Variants in RARB observed in about 807,000 individuals in gnomAD.
The protein encoded by RARB is retinoic acid receptor beta.
Under a neutral mutation model 51.9 loss-of-function variants are expected in RARB, and 17 were observed. That is an observed-to-expected ratio of 0.33 (90% CI 0.22 to 0.49). The LOEUF (loss-of-function observed/expected upper bound fraction) is 0.49, where lower values mean the gene tolerates loss of function less well. Ranked by LOEUF, RARB falls within the 20% of genes least tolerant of loss-of-function variation. The pLI, the probability that RARB is intolerant of heterozygous loss-of-function variation, is 0.99. For synonymous variants in RARB, 215 were observed against 195.4 expected (o/e 1.10, Z -0.84); for missense variants, 369 against 550.8 (o/e 0.67, Z 3.30).
At chr3:25,312,659 A>G (rs913006026) in intron 5 of RARB, among the ~76,000 whole-genome samples, 3 of 152,188 alleles carry the variant, frequency 2.0e-5, no homozygotes, top group South Asian at 2.1e-4. Context: ...TATGGCCCAA[A>G]CAATAGTTAC....
intron 5 of RARB, among the ~76,000 whole-genome samples, chr3:25,587,583 A>T (rs1224530183): frequency 6.6e-6 from 1 of 152,222 alleles, no homozygotes; most frequent in Non-Finnish European, 1.5e-5. Flanking sequence ...AACGGTAACA[A>T]GGAACTCCTG....
At chr3:25,460,120 C>T (rs899689215) in intron 1 of RARB, among the ~76,000 whole-genome samples, 1 of 152,154 alleles carries the variant, frequency 6.6e-6, no homozygotes, top group Non-Finnish European at 1.5e-5. Flanking sequence ...CACTCTGTGT[C>T]ATCATTAGTT....
intron 2 of RARB, among the ~76,000 whole-genome samples, chr3:25,498,237 C>T (rs970878282): frequency 6.6e-6 from 1 of 151,990 alleles, no homozygotes; most frequent in Admixed American, 6.6e-5. Flanking sequence ...GCTAAGTAAA[C>T]TTTAGGTGTA....
intron 5 of RARB, among the ~76,000 whole-genome samples, chr3:25,237,194 T>A (rs923734040): frequency 6.6e-6 from 1 of 152,126 alleles, no homozygotes; most frequent in Non-Finnish European, 1.5e-5. Flanking sequence ...CAATACTCAT[T>A]ATGCTTTAGC....
At chr3:25,032,068 A>G (rs976534422) in intron 2 of RARB, among the ~76,000 whole-genome samples, 4 of 152,218 alleles carry the variant, frequency 2.6e-5, no homozygotes, top group African/African-American at 9.6e-5. Flanking sequence ...TAATCAAGAC[A>G]TAACATATCC....
chr3:24,860,785 A>G (rs944440597), intron 2 of RARB, among the ~76,000 whole-genome samples: 1 of 152,190 alleles, frequency 6.6e-6, no homozygotes, highest in Non-Finnish European at 1.5e-5. Context: ...GTGCTGTGTG[A>G]CATTAGGTAC....
chr3:25,560,674 A>T (rs1013542158), intron 3 of RARB, among the ~76,000 whole-genome samples: 1 of 152,196 alleles, frequency 6.6e-6, no homozygotes, highest in African/African-American at 2.4e-5. Flanking sequence ...TGCTGGTCTC[A>T]TCTTGGATAA....
At chr3:24,959,205 T>A (rs1696086411) in intron 2 of RARB, among the ~76,000 whole-genome samples, 3 of 152,170 alleles carry the variant, frequency 2.0e-5, no homozygotes, top group Non-Finnish European at 4.4e-5. Context: ...AGAGGGTCAG[T>A]GTGACAGCCT....
intron 5 of RARB, among the ~76,000 whole-genome samples, chr3:25,261,048 C>A (rs1483855): frequency 0.76 from 116,241 of 152,044 alleles, 45,093 homozygotes; most frequent in East Asian, 0.85. Context: ...TATCTACCTC[C>A]TAGGGTTGTT....
chr3:24,838,927 G>GTTT (rs71295101), intron 1 of RARB, among the ~76,000 whole-genome samples: 64 of 146,244 alleles, frequency 4.4e-4, no homozygotes, highest in South Asian at 4.1e-3. Flanking sequence ...AAATCTCCAG[G>GTTT]TTTTTTTTTT....
At chr3:25,370,456 A>C (rs993408447) in intron 5 of RARB, among the ~76,000 whole-genome samples, 7 of 152,188 alleles carry the variant, frequency 4.6e-5, no homozygotes, top group African/African-American at 1.7e-4. Context: ...TTGGGCCTTG[A>C]AAAAGGAGTG....
intron 3 of RARB, among the ~76,000 whole-genome samples, chr3:25,542,497 T>C (rs1054684650): frequency 5.3e-5 from 8 of 152,164 alleles, no homozygotes; most frequent in Non-Finnish European, 1.0e-4. Context: ...CCAAACTGTC[T>C]AGGGTCCACC....
At chr3:25,096,226 G>T (rs796454063) in intron 3 of RARB, among the ~76,000 whole-genome samples, 3 of 152,210 alleles carry the variant, frequency 2.0e-5, no homozygotes, top group Admixed American at 6.5e-5. Flanking sequence ...GGTTTTGTTG[G>T]TCCTTGTGAC....
chr3:25,148,658 C>G (rs765060271), intron 4 of RARB, among the ~76,000 whole-genome samples: 1 of 152,176 alleles, frequency 6.6e-6, no homozygotes, highest in Non-Finnish European at 1.5e-5. Flanking sequence ...CCTTTGTGAT[C>G]TTAAGCATAT....
At chr3:25,262,226 C>T (rs1703016204) in intron 5 of RARB, among the ~76,000 whole-genome samples, 1 of 152,124 alleles carries the variant, frequency 6.6e-6, no homozygotes, top group African/African-American at 2.4e-5. Flanking sequence ...AGAACCTGTG[C>T]CCAGAGTGAG....
At chr3:25,026,675 C>G (rs1437572216) in intron 2 of RARB, among the ~76,000 whole-genome samples, 1 of 152,170 alleles carries the variant, frequency 6.6e-6, no homozygotes, top group East Asian at 1.9e-4. Flanking sequence ...TTGGATGGAA[C>G]ACAATTTAGC....
intron 2 of RARB, among the ~76,000 whole-genome samples, chr3:24,914,275 C>T (rs1465911096): frequency 6.6e-6 from 1 of 152,178 alleles, no homozygotes; most frequent in African/African-American, 2.4e-5. Context: ...CATGTCGTAC[C>T]TGTGGCATCT....
At chr3:25,015,141 TGAA>T (rs1402325134) in intron 2 of RARB, among the ~76,000 whole-genome samples, 1 of 152,158 alleles carries the variant, frequency 6.6e-6, no homozygotes, top group East Asian at 1.9e-4. Context: ...TACAATATGC[TGAA>T]GAATTGAGGT....
At chr3:25,579,110 A>G (rs1039859750) in intron 4 of RARB, among the ~76,000 whole-genome samples, 1 of 152,354 alleles carries the variant, frequency 6.6e-6, no homozygotes, top group South Asian at 2.1e-4. Flanking sequence ...TGGTTTTCTC[A>G]TATATATCAC....
Sources: allele counts gnomAD v4.1 joint callset (sites outside exome capture counted in the v4.1 genomes callset), GRCh38; gene constraint gnomAD v4.1.1; transcripts MANE v1.5; gene names NCBI Gene and HGNC (gene_info 2026-07-23, HGNC 2026-07-21).